Variants in PTPRM observed in about 807,000 individuals in gnomAD.
PTPRM encodes receptor-type tyrosine-protein phosphatase mu.
Under a neutral mutation model 186.7 loss-of-function variants are expected in PTPRM, and 47 were observed. That is an observed-to-expected ratio of 0.25 (90% confidence interval 0.20 to 0.32). The LOEUF is 0.32. PTPRM is among the 10% of genes least tolerant of loss of function. The pLI, the probability that PTPRM is intolerant of heterozygous loss-of-function variation, is 1.00. For missense variants in PTPRM, 1,494 were observed against 1,865.0 expected (o/e 0.80, Z 3.66); for synonymous variants, 668 against 674.9 (o/e 0.99, Z 0.16).
chr18:8,076,367 C>G (rs1280195244), intron 8 of PTPRM, 88 bp from the exon 9 acceptor site: 4 of 753,562 alleles, frequency 5.3e-6, no homozygotes, highest in Non-Finnish European at 6.7e-6. Context: ...AATCTTTTCT[C>G]TCAATAGAAG....
chr18:8,368,343 A>G (rs2095644617), intron 23 of PTPRM, among the ~76,000 whole-genome samples: 1 of 151,976 alleles, frequency 6.6e-6, no homozygotes, highest in Non-Finnish European at 1.5e-5. Flanking sequence ...GAAAGGAGAA[A>G]TTGTAGGTCT....
chr18:8,009,362 A>C (rs2084380873), intron 7 of PTPRM, among the ~76,000 whole-genome samples: 1 of 150,918 alleles, frequency 6.6e-6, no homozygotes, highest in African/African-American at 2.4e-5. Context: ...GAAAGAGCCC[A>C]TTACCTACTT....
intron 19 of PTPRM, among the ~76,000 whole-genome samples, chr18:8,267,514 T>G (rs537432886): frequency 3.9e-5 from 6 of 152,280 alleles, no homozygotes; most frequent in South Asian, 2.1e-4. Context: ...CATTACAATC[T>G]TAACACAAAG....
chr18:7,691,024 T>A (rs1304478216), intron 1 of PTPRM, among the ~76,000 whole-genome samples: 1 of 152,202 alleles, frequency 6.6e-6, no homozygotes, highest in East Asian at 1.9e-4. Flanking sequence ...ATTTACCTTT[T>A]TTTCACTATG....
chr18:8,032,755 A>G (rs993597591), intron 7 of PTPRM, among the ~76,000 whole-genome samples: 1 of 152,158 alleles, frequency 6.6e-6, no homozygotes, highest in Non-Finnish European at 1.5e-5. Context: ...ATACAAGCAT[A>G]TTAAATTTAG....
At chr18:8,158,600 A>AT (rs774769102) in intron 14 of PTPRM, among the ~76,000 whole-genome samples, 2 of 152,202 alleles carry the variant, frequency 1.3e-5, no homozygotes, top group Non-Finnish European at 2.9e-5. Context: ...TGGGCAATGT[A>AT]TTAGTCCATT....
chr18:7,945,421 C>T (rs990601564), intron 5 of PTPRM, among the ~76,000 whole-genome samples: 1 of 151,370 alleles, frequency 6.6e-6, no homozygotes, highest in Non-Finnish European at 1.5e-5. Context: ...GCAGAGATGG[C>T]GCCACTGCAC....
chr18:8,138,360 T>C (rs945144966), intron 13 of PTPRM, among the ~76,000 whole-genome samples: 2 of 151,964 alleles, frequency 1.3e-5, no homozygotes, highest in African/African-American at 4.8e-5. Flanking sequence ...CTGGCCCACC[T>C]TCCCCTTCTC....
chr18:7,596,968 T>C (rs1199482620), intron 1 of PTPRM, among the ~76,000 whole-genome samples: 1 of 152,046 alleles, frequency 6.6e-6, no homozygotes, highest in Non-Finnish European at 1.5e-5. Flanking sequence ...ATTCTCGTGC[T>C]TCAGCCTCCC....
intron 2 of PTPRM, among the ~76,000 whole-genome samples, chr18:7,776,759 C>T (rs895779892): frequency 1.1e-4 from 17 of 152,286 alleles, no homozygotes; most frequent in Admixed American, 2.0e-4. Flanking sequence ...TTCTCAATAT[C>T]AACCCAATAT....
intron 14 of PTPRM, among the ~76,000 whole-genome samples, chr18:8,204,652 C>T (rs553111732): frequency 1.7e-4 from 26 of 152,192 alleles, no homozygotes; most frequent in African/African-American, 4.8e-4. Context: ...GCCATTTTCT[C>T]TGTTCTTCGC....
intron 2 of PTPRM, among the ~76,000 whole-genome samples, chr18:7,879,139 T>A (rs969160590): frequency 1.3e-5 from 2 of 152,242 alleles, no homozygotes; most frequent in African/African-American, 4.8e-5. Flanking sequence ...TAGTTCTCAT[T>A]AAAGCTTCCC....
chr18:8,138,881 C>T (rs572338209), intron 13 of PTPRM, among the ~76,000 whole-genome samples: 1 of 152,264 alleles, frequency 6.6e-6, no homozygotes, highest in South Asian at 2.1e-4. Flanking sequence ...CTTTCTTCCT[C>T]TCTGGCTGCT....
At chr18:7,733,808 G>T (rs945540897) in intron 1 of PTPRM, among the ~76,000 whole-genome samples, 1 of 152,180 alleles carries the variant, frequency 6.6e-6, no homozygotes, top group African/African-American at 2.4e-5. Flanking sequence ...ATTCCTGGTG[G>T]CTCCACCCCA....
At chr18:8,122,246 G>A (rs755089436) in intron 13 of PTPRM, 11 of 152,400 alleles carry the variant, frequency 7.2e-5, no homozygotes, top group Non-Finnish European at 1.3e-4. Flanking sequence ...CCTTAGCTGC[G>A]ATAATCGTGA....
chr18:7,906,148 C>A (rs943911504), intron 3 of PTPRM, among the ~76,000 whole-genome samples: 3 of 152,174 alleles, frequency 2.0e-5, no homozygotes, highest in African/African-American at 7.2e-5. Context: ...TCCACCCAAG[C>A]AGCTTACCCA....
At chr18:7,886,368 C>T (rs72636710) in intron 2 of PTPRM, among the ~76,000 whole-genome samples, 14,418 of 152,216 alleles carry the variant, frequency 0.095, 922 homozygotes, top group East Asian at 0.28. Flanking sequence ...TCTTTCTCTG[C>T]CCCTCTTTCT....
intron 1 of PTPRM, among the ~76,000 whole-genome samples, chr18:7,687,215 G>C (rs1288096857): frequency 6.6e-6 from 1 of 152,112 alleles, no homozygotes; most frequent in African/African-American, 2.4e-5. Context: ...ACTTTTGATA[G>C]CACAGAATTC....
At chr18:7,945,970 G>A (rs1421735055) in intron 5 of PTPRM, among the ~76,000 whole-genome samples, 3 of 152,176 alleles carry the variant, frequency 2.0e-5, no homozygotes, top group Non-Finnish European at 4.4e-5. Flanking sequence ...TTCTCTTGAA[G>A]CTGAAGCTGA....
Sources: gnomAD v4.1 joint callset for allele counts (sites outside exome capture counted in the v4.1 genomes callset) on GRCh38, gnomAD v4.1.1 for gene constraint, MANE v1.5 for transcripts, NCBI Gene and HGNC (gene_info 2026-07-23, HGNC 2026-07-21) for gene names.